ADAMTSL1: variants seen among roughly 807,000 people sequenced by gnomAD.
The protein encoded by ADAMTSL1 is ADAMTS like 1, also known as ADAMTS-like protein 1.
ADAMTSL1 carries 126 observed loss-of-function variants against 201.8 expected under a neutral mutation model. The observed-to-expected ratio is 0.62, with a 90% confidence interval of 0.54 to 0.72. ADAMTSL1 has a LOEUF of 0.72. ADAMTSL1 is among the 30% of genes least tolerant of loss of function. The probability of loss-of-function intolerance (pLI) is 0.00; values close to 1 mark genes in which losing one functional copy is unlikely to be tolerated. For missense variants in ADAMTSL1, 2,679 were observed against 2,277.8 expected, an observed-to-expected ratio of 1.18 and a Z score of -3.59; for synonymous variants, 1,121 against 903.4, an observed-to-expected ratio of 1.24 and a Z score of -4.32.
intron 19 of ADAMTSL1, among the ~76,000 whole-genome samples, chr9:18,781,961 A>T (rs987722776): frequency 5.3e-5 from 8 of 152,240 alleles, no homozygotes; most frequent in African/African-American, 1.9e-4. Context: ...CATTTATATA[A>T]CTTACTAGTT....
chr9:18,471,503 G>C (rs941918836), upstream of ADAMTSL1, among the ~76,000 whole-genome samples: 3 of 152,258 alleles, frequency 2.0e-5, no homozygotes, highest in Admixed American at 2.0e-4. Flanking sequence ...CATAAAGATG[G>C]CATGTACATT....
intron 2 of ADAMTSL1, among the ~76,000 whole-genome samples, chr9:18,331,937 G>T (rs1392590882): frequency 6.6e-6 from 1 of 152,074 alleles, no homozygotes. Flanking sequence ...GAATCAGCTT[G>T]CTGCAGTCTC....
intron 19 of ADAMTSL1, among the ~76,000 whole-genome samples, chr9:18,787,257 C>A (rs1013490572): frequency 6.6e-6 from 1 of 152,158 alleles, no homozygotes; most frequent in African/African-American, 2.4e-5. Flanking sequence ...AGAAAAAGAA[C>A]CGTCCCAGTA....
intron 2 of ADAMTSL1, among the ~76,000 whole-genome samples, chr9:18,431,431 G>T (rs1022642130): frequency 6.6e-6 from 1 of 152,120 alleles, no homozygotes; most frequent in Non-Finnish European, 1.5e-5. Context: ...AGACAATTAT[G>T]AGCATCCTTT....
chr9:18,464,382 G>A (rs1394592480), intron 2 of ADAMTSL1, among the ~76,000 whole-genome samples: 1 of 152,148 alleles, frequency 6.6e-6, no homozygotes, highest in East Asian at 1.9e-4. Flanking sequence ...TTGTAGTATT[G>A]TTACACAAAT....
chr9:18,175,695 C>G (rs1196964254), intron 2 of ADAMTSL1, among the ~76,000 whole-genome samples: 1 of 152,074 alleles, frequency 6.6e-6, no homozygotes, highest in Non-Finnish European at 1.5e-5. Flanking sequence ...TAACTCAATC[C>G]AAGTCCTACC....
At chr9:18,324,227 C>T (rs1325317422) in intron 2 of ADAMTSL1, among the ~76,000 whole-genome samples, 1 of 152,086 alleles carries the variant, frequency 6.6e-6, no homozygotes, top group South Asian at 2.1e-4. Flanking sequence ...GTCTTTTTAA[C>T]ATGTATCCTA....
At chr9:18,409,649 C>G (rs139389612) in intron 2 of ADAMTSL1, among the ~76,000 whole-genome samples, 47 of 150,538 alleles carry the variant, frequency 3.1e-4, no homozygotes, top group African/African-American at 1.0e-3. Context: ...TTTCCTAGTT[C>G]TATTATTCCC....
chr9:18,504,209 T>C (rs529072710), intron 1 of ADAMTSL1, among the ~76,000 whole-genome samples: 1 of 152,184 alleles, frequency 6.6e-6, no homozygotes, highest in South Asian at 2.1e-4. Context: ...CATTGAGACC[T>C]GTACATAACC....
rs1304060201 is a variant in ADAMTSL1 at position 18,657,652 on chromosome 9, G to T, written c.848G>T (p.Gly283Val). The T allele has an allele frequency of 6.2e-7, 1 of 1,614,084 alleles. No individual in the cohort carries two copies. Residue 283 changes from glycine (G) to valine (V), a missense_variant, in exon 8 of 29, where the codon GGC becomes GTC. Physicochemically the swap from Gly to Val is moderately radical, Grantham distance 109 (BLOSUM62 -3). Transcript: ENST00000380548. ...ADFIVKIRNS[G>V]SADSTVQFIF... ...TGACTCCTGCAGATTCGTAACTCGG[G>T]CTCCGCTGACAGTACAGTCCAGTTC... is the stretch of plus-strand genomic sequence containing the variant.
intron 2 of ADAMTSL1, among the ~76,000 whole-genome samples, chr9:18,520,135 A>G (rs967889294): frequency 6.6e-6 from 1 of 152,330 alleles, no homozygotes; most frequent in South Asian, 2.1e-4. Flanking sequence ...AATTCAGCCT[A>G]TAATATTCTC....
At chr9:18,012,932 C>T (rs948314240) in intron 1 of ADAMTSL1, among the ~76,000 whole-genome samples, 1 of 151,882 alleles carries the variant, frequency 6.6e-6, no homozygotes, top group African/African-American at 2.4e-5. Context: ...GACTTGGAAT[C>T]GAATCCAAGA....
chr9:18,011,238 G>A (rs1820039292), intron 1 of ADAMTSL1, among the ~76,000 whole-genome samples: 1 of 152,034 alleles, frequency 6.6e-6, no homozygotes, highest in Non-Finnish European at 1.5e-5. Context: ...TAATTCAAGA[G>A]TTAATGTTTA....
At chr9:17,998,733 C>G (rs1363986327) in intron 1 of ADAMTSL1, among the ~76,000 whole-genome samples, 1 of 151,912 alleles carries the variant, frequency 6.6e-6, no homozygotes, top group African/African-American at 2.4e-5. Context: ...TATTGAATTT[C>G]CTGTCTAGGA....
intron 13 of ADAMTSL1, among the ~76,000 whole-genome samples, chr9:18,691,027 C>A (rs1364809319): frequency 1.3e-5 from 2 of 152,150 alleles, no homozygotes; most frequent in African/African-American, 4.8e-5. Flanking sequence ...ATCACAAGAG[C>A]AATAGGATTG....
intron 2 of ADAMTSL1, among the ~76,000 whole-genome samples, chr9:18,235,220 G>A (rs188734274): frequency 2.6e-3 from 394 of 152,192 alleles, no homozygotes; most frequent in Non-Finnish European, 4.1e-3. Context: ...TTAACGATTT[G>A]GGAAAATATT....
rs956407560 is a variant in ADAMTSL1, at chr9:18,711,527, C to T, written c.1876+4479C>T. 2.0e-5 allele frequency among the ~76,000 whole-genome samples: 3 copies of T among 152,248 alleles called. No individual in the cohort carries two copies. The East Asian group carries it at 5.8e-4, about 29-fold the overall frequency. ...TCGGGTCACTCCCACCCAAATACTG[C>T]GCTTTTCCGACGGGCTTAAAAAACG... On this transcript the variant is annotated intron_variant, in intron 14 of 28. Coordinates refer to ENST00000380548, the MANE Select transcript of ADAMTSL1 (RefSeq NM_001040272.6).
At position 17,995,751 on chromosome 9, in the gene ADAMTSL1, A is replaced by C. The variant is rs1368504476; in HGVS notation, c.87+88829A>C. ...AGATACATTTATAATTAGTATTTAT[A>C]TTATAGGAGTTAGAGTGCTAAAAAC... On this transcript the variant is annotated intron_variant, in intron 1 of 29. Coordinates refer to the ADAMTSL1 transcript ENST00000680146. 9.2e-5 allele frequency among the ~76,000 whole-genome samples: 14 copies of C among 151,920 alleles called. No homozygotes were observed. The East Asian group carries it at 1.9e-3, about 21-fold the overall frequency.
chr9:18,229,178 C>T (rs1055089713), intron 2 of ADAMTSL1, among the ~76,000 whole-genome samples: 3 of 152,150 alleles, frequency 2.0e-5, no homozygotes, highest in African/African-American at 7.2e-5. Flanking sequence ...CAGCTCGGAT[C>T]ATCCCTGGAT....
Sources: gnomAD v4.1 joint callset for allele counts (sites outside exome capture counted in the v4.1 genomes callset) on GRCh38, gnomAD v4.1.1 for gene constraint, MANE v1.5 for transcripts, NCBI Gene and HGNC (gene_info 2026-07-23, HGNC 2026-07-21) for gene names.